The following APCDD1L variants were observed in gnomAD, a reference collection of about 807,000 sequenced individuals.
The protein encoded by APCDD1L is protein APCDD1-like.
APCDD1L carries 21 observed loss-of-function variants against 24.2 expected under a neutral mutation model. That is an observed-to-expected ratio of 0.87 (90% CI 0.61 to 1.25). APCDD1L has a LOEUF of 1.25. Among genes scored for constraint, APCDD1L ranks in the 50% most tolerant of loss-of-function variants. APCDD1L has a pLI of 0.00. For synonymous variants in APCDD1L, 321 were observed against 323.6 expected, an observed-to-expected ratio of 0.99 and a Z score of 0.09; for missense variants, 704 against 711.7, an observed-to-expected ratio of 0.99 and a Z score of 0.12.
intron 1 of APCDD1L, among the ~76,000 whole-genome samples, chr20:58,498,460 A>G (rs1470373228): frequency 1.3e-5 from 2 of 152,244 alleles, no homozygotes; most frequent in African/African-American, 4.8e-5. Flanking sequence ...TGAAGAAAGA[A>G]AGAAAAAAAG....
intron 1 of APCDD1L, among the ~76,000 whole-genome samples, chr20:58,475,610 C>T (rs1336820353): frequency 6.6e-6 from 1 of 152,122 alleles, no homozygotes; most frequent in Non-Finnish European, 1.5e-5. Flanking sequence ...GGAGGAGCAG[C>T]TCAAGGTGAA....
At position 58,461,896 on chromosome 20, in the gene APCDD1L, C is replaced by T; in HGVS notation, c.742-342G>A. On this transcript the variant is annotated intron_variant, in intron 3 of 3. Coordinates refer to ENST00000371149, the MANE Select transcript of APCDD1L (RefSeq NM_153360.3). The surrounding 1 kb of genome is among the most constrained non-coding windows in gnomAD (Gnocchi z 6.0). ...GCCCCATGTAAGGTGGGCCTCAGGG[C>T]TGTCACACCACCCTCTTTTATCTTC... 1 of 267,426 alleles carries T rather than the reference C, an allele frequency of 3.7e-6. No homozygotes were observed. The highest frequency in any genetic ancestry group is 6.5e-5 in the East Asian group (1 of 15,402). 16.6% of individuals were successfully genotyped at this position (267,426 alleles called of 1,614,324 possible).
chr20:58,481,948 C>T (rs182147876), intron 1 of APCDD1L, among the ~76,000 whole-genome samples: 71 of 152,236 alleles, frequency 4.7e-4, no homozygotes, highest in Non-Finnish European at 7.8e-4. Context: ...TTTGCAACAA[C>T]ACAACAAAAG....
chr20:58,492,403 G>A (rs1990239113), intron 1 of APCDD1L, among the ~76,000 whole-genome samples: 1 of 152,192 alleles, frequency 6.6e-6, no homozygotes, highest in Non-Finnish European at 1.5e-5. Flanking sequence ...TCACAAAAGA[G>A]GAAATGAGAG....
chr20:58,512,645 G>A (rs998190246), intron 1 of APCDD1L, among the ~76,000 whole-genome samples: 1 of 152,186 alleles, frequency 6.6e-6, no homozygotes, highest in Non-Finnish European at 1.5e-5. Flanking sequence ...CTGGAGACAT[G>A]AAGTTCAGGC....
chr20:58,473,605 C>CA (rs1270510152), intron 1 of APCDD1L, among the ~76,000 whole-genome samples: 3 of 152,124 alleles, frequency 2.0e-5, no homozygotes, highest in Non-Finnish European at 4.4e-5. Context: ...TGCTTCCCCC[C>CA]CCACCCCTTC....
chr20:58,475,932 G>T (rs557854578), intron 1 of APCDD1L, among the ~76,000 whole-genome samples: 1 of 152,126 alleles, frequency 6.6e-6, no homozygotes, highest in South Asian at 2.1e-4. Flanking sequence ...TTTTATAAAG[G>T]CACCAATCCC....
chr20:58,474,125 G>A (rs963778699), intron 1 of APCDD1L, among the ~76,000 whole-genome samples: 5 of 152,240 alleles, frequency 3.3e-5, no homozygotes, highest in Non-Finnish European at 5.9e-5. Flanking sequence ...AGCGTCTCCT[G>A]AGCACACATT....
intron 1 of APCDD1L, among the ~76,000 whole-genome samples, chr20:58,498,570 C>T (rs771468046): frequency 1.3e-5 from 2 of 152,146 alleles, no homozygotes; most frequent in Non-Finnish European, 2.9e-5. Context: ...ACCACTTGGG[C>T]GGGAAGAGGG....
chr20:58,462,389 G>A (rs1424741201), intron 3 of APCDD1L, among the ~76,000 whole-genome samples: 1 of 152,172 alleles, frequency 6.6e-6, no homozygotes, highest in Non-Finnish European at 1.5e-5. Context: ...ACACCCGGCT[G>A]TCTGAGCTCC....
At chr20:58,490,746 T>C (rs1990210005) in intron 1 of APCDD1L, among the ~76,000 whole-genome samples, 1 of 152,244 alleles carries the variant, frequency 6.6e-6, no homozygotes, top group Non-Finnish European at 1.5e-5. Flanking sequence ...TCTCACACTC[T>C]ATATACCCTT....
At chr20:58,473,591 T>C (rs1989852611) in intron 1 of APCDD1L, among the ~76,000 whole-genome samples, 1 of 100,276 alleles carries the variant, frequency 1.0e-5, no homozygotes, top group Non-Finnish European at 1.8e-5. Flanking sequence ...TGTTGGATTT[T>C]CTTTGCTTCC....
At position 58,460,828 on chromosome 20, in the gene APCDD1L, G is replaced by A; in HGVS notation, c.1468C>T (p.Pro490Ser). ...GLHIAPFPLLPLVLGLAFLHW... is the reference protein window; with the variant it reads ...GLHIAPFPLLSLVLGLAFLHW... ...AGGAAGGCCAGCCCTAGAACTAGGG[G>A]CAGAAGTGGGAAGGGGGCTATGTGA... Residue 490 changes from proline to serine, a missense_variant, in exon 4 of 4, where the codon CCC becomes TCC. Pro to Ser is a moderately conservative substitution (Grantham distance 74). Coordinates refer to ENST00000371149, the MANE Select transcript of APCDD1L (RefSeq NM_153360.3). The surrounding 1 kb of genome is among the most constrained non-coding windows in gnomAD (Gnocchi z 4.2). 3 of 1,537,912 alleles carry A rather than the reference G, an allele frequency of 2.0e-6. No individual in the cohort carries two copies. Among genetic ancestry groups the A allele is most frequent in the Non-Finnish European group, 2.6e-6 (3 of 1,141,626 alleles).
chr20:58,473,981 G>A (rs1056432317), intron 1 of APCDD1L, among the ~76,000 whole-genome samples: 2 of 152,222 alleles, frequency 1.3e-5, no homozygotes, highest in Non-Finnish European at 1.5e-5. Context: ...CTGAATCAGA[G>A]CACCAGAAAC....
intron 1 of APCDD1L, among the ~76,000 whole-genome samples, chr20:58,482,410 G>A (rs1459980383): frequency 6.6e-6 from 1 of 152,148 alleles, no homozygotes; most frequent in African/African-American, 2.4e-5. Flanking sequence ...TCCCAAAGAC[G>A]CAAATATTGG....
chr20:58,488,991 AAG>A (rs1304429620), intron 1 of APCDD1L, among the ~76,000 whole-genome samples: 1 of 152,152 alleles, frequency 6.6e-6, no homozygotes, highest in African/African-American at 2.4e-5. Context: ...AAGGAAAGGA[AAG>A]AAGAGTGGGT....
chr20:58,491,915 T>G (rs990971970), intron 1 of APCDD1L, among the ~76,000 whole-genome samples: 7 of 152,170 alleles, frequency 4.6e-5, no homozygotes, highest in African/African-American at 1.7e-4. Flanking sequence ...AGATGGTGAC[T>G]CCTGAAATTT....
chr20:58,467,076 C>T lies in APCDD1L; in HGVS notation c.741+30G>A. ...CTCGCCTCCCCGAGACCACCACCCC[C>T]CTCTCCCACACCCCAACACACACAC... On this transcript the variant is annotated intron_variant, in intron 3 of 3. Coordinates refer to ENST00000371149, the MANE Select transcript of APCDD1L (RefSeq NM_153360.3). The surrounding 1 kb of genome is among the most constrained non-coding windows in gnomAD (Gnocchi z 5.9). 5.1e-6 allele frequency: 8 copies of T among 1,563,262 alleles called. No individual in the cohort carries two copies. The highest frequency in any genetic ancestry group is 6.9e-6 in the Non-Finnish European group (8 of 1,157,470).
intron 1 of APCDD1L, among the ~76,000 whole-genome samples, chr20:58,487,410 TA>T (rs11335260): frequency 0.47 from 66,243 of 141,124 alleles, 14,791 homozygotes; most frequent in South Asian, 0.52. Context: ...CCTTAAATAT[TA>T]AAAAAAAAAA....
Sources: gnomAD v4.1 joint callset for allele counts (sites outside exome capture counted in the v4.1 genomes callset) on GRCh38, gnomAD v4.1.1 for gene constraint, Gnocchi (gnomAD v3.1) non-coding constraint, MANE v1.5 for transcripts, NCBI Gene and HGNC (gene_info 2026-07-23, HGNC 2026-07-21) for gene names.